The following MACROH2A2 variants were observed in gnomAD, a reference collection of about 807,000 sequenced individuals.
MACROH2A2 encodes core histone macro-H2A.2.
MACROH2A2 carries 6 observed loss-of-function variants against 37.6 expected under a neutral mutation model. That is an observed-to-expected ratio of 0.16 (90% confidence interval 0.09 to 0.32). MACROH2A2 has a LOEUF of 0.32. MACROH2A2 is among the 10% of genes least tolerant of loss of function. The pLI is 1.00. For missense variants in MACROH2A2, 290 were observed against 485.9 expected (o/e 0.60, Z 3.79); for synonymous variants, 192 against 202.7 (o/e 0.95, Z 0.45).
At chr10:70,088,670 CT>C (rs2072226133) in intron 2 of MACROH2A2, among the ~76,000 whole-genome samples, 1 of 152,236 alleles carries the variant, frequency 6.6e-6, no homozygotes, top group Admixed American at 6.5e-5. Flanking sequence ...GCTCTATGTG[CT>C]TTCCTACGCA....
intron 1 of MACROH2A2, among the ~76,000 whole-genome samples, chr10:70,061,684 C>G (rs1325719895): frequency 6.6e-6 from 1 of 151,838 alleles, no homozygotes; most frequent in Admixed American, 6.6e-5. Flanking sequence ...GTTGAACTTC[C>G]CACTACACGA....
intron 1 of MACROH2A2, among the ~76,000 whole-genome samples, chr10:70,062,201 C>A (rs1435332771): frequency 6.6e-6 from 1 of 152,074 alleles, no homozygotes; most frequent in Non-Finnish European, 1.5e-5. Flanking sequence ...TATATTGAAT[C>A]CCCTCATTTC....
chr10:70,072,406 A>G (rs902876779), intron 1 of MACROH2A2, among the ~76,000 whole-genome samples: 2 of 152,174 alleles, frequency 1.3e-5, no homozygotes, highest in African/African-American at 4.8e-5. Flanking sequence ...AATAACACGC[A>G]CGGAGCTGTC....
At chr10:70,097,189 G>A (rs1163675281) in intron 6 of MACROH2A2, among the ~76,000 whole-genome samples, 1 of 152,148 alleles carries the variant, frequency 6.6e-6, no homozygotes, top group Non-Finnish European at 1.5e-5. Context: ...AAGGCAGTCA[G>A]GTGGTTAAGA....
intron 2 of MACROH2A2, among the ~76,000 whole-genome samples, chr10:70,089,081 G>A (rs2072228172): frequency 1.3e-5 from 2 of 152,180 alleles, no homozygotes; most frequent in Admixed American, 6.5e-5. Flanking sequence ...TCCAGCCTGG[G>A]CAACAGAACG....
rs1041096275 is a variant in MACROH2A2 at position 70,053,419 on chromosome 10, C to T, written c.-60+419C>T. 4.0e-5 allele frequency among the ~76,000 whole-genome samples: 6 copies of T among 151,526 alleles called. No homozygotes were observed. The highest frequency in any genetic ancestry group is 2.1e-4 in the South Asian group (1 of 4,820). On this transcript the variant is annotated intron_variant, in intron 1 of 8. Coordinates refer to ENST00000373255, the MANE Select transcript of MACROH2A2 (RefSeq NM_018649.3). This position sits in a 1 kb window ranked among gnomAD's most constrained non-coding sequence, Gnocchi z 4.8. The stretch of plus-strand genomic sequence containing the variant: ...CGCCCGGCCGCCGATGGGCACGGGG[C>T]GATGGGTGGGGGGCTGCGCAGGGCC...
chr10:70,061,254 G>A (rs1210344690), intron 1 of MACROH2A2, among the ~76,000 whole-genome samples: 1 of 152,104 alleles, frequency 6.6e-6, no homozygotes, highest in Non-Finnish European at 1.5e-5. Flanking sequence ...ACCCAGTGAG[G>A]GTGTTTTTGT....
At chr10:70,101,042 G>A (rs1225101102) in intron 7 of MACROH2A2, among the ~76,000 whole-genome samples, 5 of 152,130 alleles carry the variant, frequency 3.3e-5, no homozygotes, top group Admixed American at 6.5e-5. Context: ...TGGGTTGATC[G>A]GACTCAACAC....
At chr10:70,111,016 C>A (rs1279562153) in intron 8 of MACROH2A2, among the ~76,000 whole-genome samples, 1 of 152,190 alleles carries the variant, frequency 6.6e-6, no homozygotes, top group Non-Finnish European at 1.5e-5. Flanking sequence ...CACCTGTAAT[C>A]CCAGCACTTT....
intron 4 of MACROH2A2, 86 bp downstream of exon 4, chr10:70,092,040 A>T: frequency 2.8e-6 from 3 of 1,080,146 alleles, no homozygotes; most frequent in Non-Finnish European, 2.7e-6. Context: ...ATATGTTGAA[A>T]CCTAACCCCA....
rs74139261 is a variant in MACROH2A2, at chr10:70,074,221, G to A, written c.-59-1379G>A. ...CTGTCCAGGAATATGTGATTATTTT[G>A]TCTTCACACAAAAGATAGCTTCCTT... On this transcript the variant is annotated intron_variant, in intron 1 of 8. Coordinates refer to ENST00000373255, the MANE Select transcript of MACROH2A2 (RefSeq NM_018649.3). Among the ~76,000 whole-genome samples the A allele has an allele frequency of 4.4e-3, 664 of 152,232 alleles. 6 individuals are homozygous for A. The highest frequency in any genetic ancestry group is 0.015 in the African/African-American group (625 of 41,528).
intron 1 of MACROH2A2, among the ~76,000 whole-genome samples, chr10:70,071,062 C>T (rs952373619): frequency 6.8e-5 from 10 of 147,636 alleles, no homozygotes; most frequent in African/African-American, 1.5e-4. Context: ...TGTGGGCGCG[C>T]GTGTGCATGT....
chr10:70,098,686 G>A (rs1299052251), intron 6 of MACROH2A2: 1 of 152,312 alleles, frequency 6.6e-6, no homozygotes, highest in African/African-American at 2.4e-5. Context: ...ATGAGGTGTA[G>A]GTTCGAAAAC....
At chr10:70,059,465 T>C (rs1307722249) in intron 1 of MACROH2A2, among the ~76,000 whole-genome samples, 2 of 151,654 alleles carry the variant, frequency 1.3e-5, no homozygotes, top group Non-Finnish European at 2.9e-5. Context: ...CTCTGCCTCC[T>C]AGGTTCATGA....
chr10:70,052,899 CAA>C lies in MACROH2A2; in HGVS notation c.-159_-158del, dbSNP rs1204508036. On this transcript the variant is annotated 5_prime_UTR_variant, in exon 1 of 9. Coordinates refer to ENST00000373255, the MANE Select transcript of MACROH2A2 (RefSeq NM_018649.3). ...CGCACAGATAGAACCCAAAGAAAGGCAAAGAGTCCTGCCCGGCACCGGCGCCG... is the reference window on the plus strand; with the variant it reads ...CGCACAGATAGAACCCAAAGAAAGGCAGAGTCCTGCCCGGCACCGGCGCCG... 3.3e-5 allele frequency: 5 copies of C among 152,756 alleles called. No individual in the cohort carries two copies. The highest frequency in any genetic ancestry group is 3.9e-4 in the East Asian group (2 of 5,192). The allele number at this position is 152,756 out of a possible 1,614,324, so 9.5% of individuals were successfully genotyped here.
At chr10:70,081,262 C>T (rs1055020242) in intron 2 of MACROH2A2, among the ~76,000 whole-genome samples, 8 of 152,084 alleles carry the variant, frequency 5.3e-5, no homozygotes, top group South Asian at 4.2e-4. Context: ...TAGCACCGCT[C>T]GGCACACATG....
At chr10:70,093,005 CT>C (rs141031178) in intron 4 of MACROH2A2, among the ~76,000 whole-genome samples, 150 of 144,660 alleles carry the variant, frequency 1.0e-3, no homozygotes, top group Admixed American at 1.5e-3. Context: ...TCACATGTGG[CT>C]TTTTTTTTTT....
At chr10:70,069,840 TC>T (rs1400098106) in intron 1 of MACROH2A2, among the ~76,000 whole-genome samples, 1 of 151,750 alleles carries the variant, frequency 6.6e-6, no homozygotes, top group Non-Finnish European at 1.5e-5. Context: ...ACTCCTGACT[TC>T]CCAAGACGGA....
chr10:70,092,458 T>C (rs977756612), intron 4 of MACROH2A2, among the ~76,000 whole-genome samples: 1 of 149,196 alleles, frequency 6.7e-6, no homozygotes, highest in African/African-American at 2.5e-5. Context: ...AAAAAGAAAG[T>C]GGTTTCTGTT....
Sources: gnomAD v4.1 joint callset for allele counts (sites outside exome capture counted in the v4.1 genomes callset) on GRCh38, gnomAD v4.1.1 for gene constraint, Gnocchi (gnomAD v3.1) non-coding constraint, MANE v1.5 for transcripts, NCBI Gene and HGNC (gene_info 2026-07-23, HGNC 2026-07-21) for gene names.